The following AGBL4 variants were observed in gnomAD, a reference collection of about 807,000 sequenced individuals.
AGBL4 encodes cytosolic carboxypeptidase 6.
A neutral mutation model predicts 66.4 loss-of-function variants in AGBL4; 58 were observed. The ratio of observed to expected loss-of-function variants is 0.87; its 90% CI spans 0.71 to 1.09. The LOEUF (loss-of-function observed/expected upper bound fraction) is 1.09, where lower values mean the gene tolerates loss of function less well. AGBL4 is among the 50% of genes least tolerant of loss of function. The pLI, the probability that AGBL4 is intolerant of heterozygous loss-of-function variation, is 0.00. For synonymous variants in AGBL4, 234 were observed against 222.9 expected (o/e 1.05, Z -0.44); for missense variants, 579 against 631.0 (o/e 0.92, Z 0.88).
intron 6 of AGBL4, chr1:48,776,557 T>TGC: frequency 9.4e-7 from 1 of 1,068,328 alleles, no homozygotes; most frequent in Non-Finnish European, 1.2e-6. Flanking sequence ...CCTCCCGGGG[T>TGC]CCCAGCCCCC....
At chr1:49,213,781 C>G (rs1377151788) in intron 4 of AGBL4, among the ~76,000 whole-genome samples, 2 of 152,102 alleles carry the variant, frequency 1.3e-5, no homozygotes, top group Non-Finnish European at 2.9e-5. Context: ...GGCAGGCCAG[C>G]TTATATACCT....
At chr1:48,727,850 A>G in intron 6 of AGBL4, 1 of 1,574,900 alleles carries the variant, frequency 6.3e-7, no homozygotes, top group Non-Finnish European at 8.7e-7. Flanking sequence ...CATGCCACAC[A>G]AGGAAAACAC....
In AGBL4 at chr1:49,590,640, GA is replaced by G. The variant is rs987879083; in HGVS notation, c.282+106672del. Among the ~76,000 whole-genome samples the G allele has an allele frequency of 2.0e-5, 3 of 151,968 alleles. No homozygotes were observed. In the South Asian group the frequency reaches 6.2e-4, roughly 32 times the overall value. On this transcript the variant is annotated intron_variant, in intron 3 of 13. Coordinates refer to ENST00000371839, the MANE Select transcript of AGBL4 (RefSeq NM_032785.4). Reference sequence around the variant, plus strand: ...ATGAATACATAGAAAAATTAATATAGAAAAAATATTAAAACAATAAGGACAA... The same window carrying G: ...ATGAATACATAGAAAAATTAATATAGAAAAATATTAAAACAATAAGGACAA...
chr1:49,286,430 T>C (rs1644411609), intron 3 of AGBL4, among the ~76,000 whole-genome samples: 1 of 152,096 alleles, frequency 6.6e-6, no homozygotes, highest in Admixed American at 6.6e-5. Context: ...TTGTCCCTGT[T>C]TGCAGATGAC....
intron 4 of AGBL4, among the ~76,000 whole-genome samples, chr1:49,214,511 T>A (rs1557735657): frequency 6.6e-6 from 1 of 152,134 alleles, no homozygotes. Context: ...TTATCAGAAC[T>A]CTAGCTCAAC....
intron 3 of AGBL4, among the ~76,000 whole-genome samples, chr1:49,657,121 C>A (rs1475087180): frequency 6.6e-6 from 1 of 152,150 alleles, no homozygotes; most frequent in Non-Finnish European, 1.5e-5. Flanking sequence ...TCGTCTCAGA[C>A]CAAAATCTCC....
At chr1:49,049,461 A>G (rs1183288050) in intron 4 of AGBL4, among the ~76,000 whole-genome samples, 1 of 152,120 alleles carries the variant, frequency 6.6e-6, no homozygotes, top group African/African-American at 2.4e-5. Context: ...ATAAAAGTAA[A>G]TGGATATTTG....
intron 6 of AGBL4, among the ~76,000 whole-genome samples, chr1:48,767,837 T>A (rs188312445): frequency 1.3e-5 from 2 of 152,298 alleles, no homozygotes; most frequent in East Asian, 3.9e-4. Flanking sequence ...CACCAAAGAT[T>A]TGGGCATTAT....
intron 6 of AGBL4, among the ~76,000 whole-genome samples, chr1:48,689,219 A>AAAAAAGAAAAGAAAAGAAAAG (rs1553207682): frequency 7.1e-6 from 1 of 141,514 alleles, no homozygotes; most frequent in African/African-American, 3.1e-5. Context: ...AAAAAAAAAA[A>AAAAAAGAAAAGAAAAGAAAAG]AAAAGAAAAG....
At chr1:49,816,149 G>A (rs1571627611) in intron 2 of AGBL4, among the ~76,000 whole-genome samples, 2 of 152,098 alleles carry the variant, frequency 1.3e-5, no homozygotes, top group East Asian at 3.9e-4. Flanking sequence ...AGGCTCCTGA[G>A]TCATTGAGAT....
intron 5 of AGBL4, among the ~76,000 whole-genome samples, chr1:48,919,167 A>G (rs1653873139): frequency 6.6e-6 from 1 of 152,148 alleles, no homozygotes; most frequent in Non-Finnish European, 1.5e-5. Context: ...TTTGGTCTAA[A>G]AGTGTCTGTA....
At chr1:48,536,057 G>C (rs1407266237) in intron 12 of AGBL4, among the ~76,000 whole-genome samples, 2 of 152,074 alleles carry the variant, frequency 1.3e-5, no homozygotes, top group Admixed American at 1.3e-4. Flanking sequence ...CATGCTAGAG[G>C]TATGTACAAA....
chr1:49,289,141 G>A (rs1173003889), intron 3 of AGBL4, among the ~76,000 whole-genome samples: 1 of 152,000 alleles, frequency 6.6e-6, no homozygotes, highest in Non-Finnish European at 1.5e-5. Flanking sequence ...TGGCAAAATA[G>A]AGGGAAGACA....
intron 6 of AGBL4, among the ~76,000 whole-genome samples, chr1:48,845,323 A>G (rs1266303217): frequency 2.6e-5 from 4 of 152,216 alleles, no homozygotes; most frequent in Admixed American, 2.0e-4. Context: ...CTAGGACTCA[A>G]TCTACCTCCA....
At chr1:48,854,468 G>A (rs1281807813) in intron 6 of AGBL4, among the ~76,000 whole-genome samples, 3 of 152,104 alleles carry the variant, frequency 2.0e-5, no homozygotes, top group Non-Finnish European at 2.9e-5. Context: ...GCCTCTAGTA[G>A]CCTTAATTTT....
At chr1:50,008,862 A>C (rs1158278517) in intron 1 of AGBL4, among the ~76,000 whole-genome samples, 1 of 152,172 alleles carries the variant, frequency 6.6e-6, no homozygotes, top group Non-Finnish European at 1.5e-5. Flanking sequence ...ATTAGAGGCC[A>C]TCATGACCAA....
At chr1:49,277,421 T>C (rs921699789) in intron 3 of AGBL4, among the ~76,000 whole-genome samples, 10 of 152,212 alleles carry the variant, frequency 6.6e-5, no homozygotes, top group Non-Finnish European at 1.5e-4. Flanking sequence ...TTTCTTGATT[T>C]ATTTGTTAAA....
chr1:49,896,608 A>AACAC (rs58132063), intron 1 of AGBL4, among the ~76,000 whole-genome samples: 300 of 133,794 alleles, frequency 2.2e-3, no homozygotes, highest in Middle Eastern at 3.6e-3. Flanking sequence ...GACCCATGAA[A>AACAC]ACACACACAC....
intron 11 of AGBL4, among the ~76,000 whole-genome samples, chr1:48,572,674 C>T (rs2148318651): frequency 6.6e-6 from 1 of 152,164 alleles, no homozygotes; most frequent in Admixed American, 6.5e-5. Flanking sequence ...CAGAGAGAGA[C>T]CTGGGAGAAC....
Sources: allele counts gnomAD v4.1 joint callset (sites outside exome capture counted in the v4.1 genomes callset), GRCh38; gene constraint gnomAD v4.1.1; transcripts MANE v1.5; gene names NCBI Gene and HGNC (gene_info 2026-07-23, HGNC 2026-07-21).